HDAC9: variants seen among roughly 807,000 people sequenced by gnomAD.
The protein encoded by HDAC9 is MEF-2 interacting transcription repressor (MITR) protein.
Under a neutral mutation model 139.4 loss-of-function variants are expected in HDAC9, and 41 were observed. That is an observed-to-expected ratio of 0.29 (90% CI 0.23 to 0.38). The LOEUF (loss-of-function observed/expected upper bound fraction) is 0.38. Among genes scored for constraint, HDAC9 ranks in the 10% least tolerant of loss-of-function variants. The probability of loss-of-function intolerance (pLI) is 1.00; values close to 1 mark genes in which losing one functional copy is unlikely to be tolerated. For synonymous variants in HDAC9, 517 were observed against 476.2 expected (o/e 1.09, Z -1.12); for missense variants, 1,147 against 1,297.0 (o/e 0.88, Z 1.78).
intron 22 of HDAC9, among the ~76,000 whole-genome samples, chr7:18,877,509 A>T (rs1196512458): frequency 6.6e-6 from 1 of 152,214 alleles, no homozygotes; most frequent in African/African-American, 2.4e-5. Context: ...AGCAAAACTC[A>T]TTCCTGCTCC....
At chr7:18,928,089 G>T (rs1367591342) in intron 22 of HDAC9, among the ~76,000 whole-genome samples, 1 of 152,180 alleles carries the variant, frequency 6.6e-6, no homozygotes, top group Non-Finnish European at 1.5e-5. Context: ...ATTGGCTGCT[G>T]ATTCTAGAGT....
At chr7:18,764,935 T>A (rs1036653834) in intron 15 of HDAC9, among the ~76,000 whole-genome samples, 1 of 152,174 alleles carries the variant, frequency 6.6e-6, no homozygotes, top group African/African-American at 2.4e-5. Flanking sequence ...AATAATTGGA[T>A]TTGAAAATGA....
At chr7:18,198,850 T>G (rs149468481) in intron 2 of HDAC9, among the ~76,000 whole-genome samples, 1 of 152,324 alleles carries the variant, frequency 6.6e-6, no homozygotes, top group South Asian at 2.1e-4. Flanking sequence ...ATTAGACTAC[T>G]AGCACTAACA....
chr7:18,944,223 G>A (rs778089459), intron 23 of HDAC9, among the ~76,000 whole-genome samples: 1 of 152,058 alleles, frequency 6.6e-6, no homozygotes, highest in Non-Finnish European at 1.5e-5. Flanking sequence ...ATTACAATCT[G>A]CTTCCCTTGT....
intron 2 of HDAC9, among the ~76,000 whole-genome samples, chr7:18,253,514 C>CT (rs956250681): frequency 2.0e-4 from 31 of 152,214 alleles, no homozygotes; most frequent in African/African-American, 7.5e-4. Context: ...TGATACTGAG[C>CT]TTTTTTTCAT....
intron 22 of HDAC9, among the ~76,000 whole-genome samples, chr7:18,903,046 A>G (rs77696349): frequency 0.13 from 19,538 of 152,264 alleles, 1,553 homozygotes; most frequent in South Asian, 0.29. Flanking sequence ...GAACAAATAT[A>G]TTCAGCAATT....
intron 2 of HDAC9, among the ~76,000 whole-genome samples, chr7:18,520,700 C>T (rs894010195): frequency 4.6e-5 from 7 of 152,090 alleles, no homozygotes; most frequent in East Asian, 1.9e-4. Flanking sequence ...GTCCTACTAC[C>T]GTAAATGTCT....
chr7:18,150,077 GTT>G (rs11422484), intron 1 of HDAC9, among the ~76,000 whole-genome samples: 5 of 142,834 alleles, frequency 3.5e-5, no homozygotes, highest in Non-Finnish European at 4.6e-5. Flanking sequence ...CTTTATTAGG[GTT>G]TTTTTTTTTT....
chr7:18,852,857 T>C (rs1005284792), intron 21 of HDAC9, among the ~76,000 whole-genome samples: 73 of 151,934 alleles, frequency 4.8e-4, no homozygotes, highest in South Asian at 3.1e-3. Flanking sequence ...TTTTTTTTTT[T>C]CCCTCTCTTT....
At chr7:18,091,837 G>A (rs893905907) in intron 1 of HDAC9, among the ~76,000 whole-genome samples, 1 of 152,180 alleles carries the variant, frequency 6.6e-6, no homozygotes, top group African/African-American at 2.4e-5. Context: ...TTTCTTGCTG[G>A]CTGTCATTCA....
chr7:18,851,250 G>A (rs1797265990), intron 21 of HDAC9: 2 of 152,190 alleles, frequency 1.3e-5, no homozygotes, highest in Admixed American at 1.3e-4. Flanking sequence ...ATCTCGAATT[G>A]TAATCCCCAT....
chr7:18,799,666 T>G (rs1402543922), intron 17 of HDAC9, among the ~76,000 whole-genome samples: 6 of 152,028 alleles, frequency 3.9e-5, no homozygotes, highest in African/African-American at 1.4e-4. Flanking sequence ...AAGGGCTTAG[T>G]AGAAATGTGA....
At chr7:18,845,136 T>C (rs529319624) in intron 21 of HDAC9, among the ~76,000 whole-genome samples, 5 of 152,314 alleles carry the variant, frequency 3.3e-5, no homozygotes, top group East Asian at 3.9e-4. Flanking sequence ...GTTTGGTTTT[T>C]TGAGGGTGTG....
At chr7:18,927,928 T>C (rs1410920586) in intron 22 of HDAC9, among the ~76,000 whole-genome samples, 1 of 152,104 alleles carries the variant, frequency 6.6e-6, no homozygotes, top group Non-Finnish European at 1.5e-5. Context: ...AAAATAATAG[T>C]TGGGGGGAGA....
At position 18,876,456 on chromosome 7, in the gene HDAC9, C is replaced by T. The variant is rs1014009385; in HGVS notation, c.2803+1860C>T. Among the ~76,000 whole-genome samples the T allele has an allele frequency of 5.3e-5, 8 of 151,946 alleles. No homozygotes were observed. In the East Asian group the frequency reaches 1.2e-3, roughly 22 times the overall value. On this transcript the variant is annotated intron_variant, in intron 22 of 25. Transcript: ENST00000686413. ...AAGTGATATCATACTTTACCTTTTGCGTATTTGCAGTTTAATAAGGAAAAA... is the reference window on the plus strand; with the variant it reads ...AAGTGATATCATACTTTACCTTTTGTGTATTTGCAGTTTAATAAGGAAAAA...
At chr7:18,432,354 A>G (rs1790755116) in intron 1 of HDAC9, among the ~76,000 whole-genome samples, 1 of 152,244 alleles carries the variant, frequency 6.6e-6, no homozygotes, top group Admixed American at 6.5e-5. Context: ...AACTCTTATG[A>G]GGACATGTAT....
At chr7:18,470,226 T>G (rs1563020051) in intron 1 of HDAC9, among the ~76,000 whole-genome samples, 1 of 151,630 alleles carries the variant, frequency 6.6e-6, no homozygotes, top group Non-Finnish European at 1.5e-5. Flanking sequence ...GGCAGGAGGA[T>G]CAGTTGAGCC....
chr7:18,864,804 T>G (rs528743318), intron 21 of HDAC9, among the ~76,000 whole-genome samples: 1 of 152,120 alleles, frequency 6.6e-6, no homozygotes, highest in African/African-American at 2.4e-5. Flanking sequence ...CCTGGAAAGA[T>G]GAAAAAGTTC....
intron 1 of HDAC9, chr7:18,430,566 G>A (rs1367672060): frequency 6.6e-6 from 1 of 151,994 alleles, no homozygotes; most frequent in East Asian, 1.9e-4. Flanking sequence ...ACAAATAATT[G>A]AAGCGAAAGT....
Sources: allele counts gnomAD v4.1 joint callset (sites outside exome capture counted in the v4.1 genomes callset), GRCh38; gene constraint gnomAD v4.1.1; transcripts MANE v1.5; gene names NCBI Gene and HGNC (gene_info 2026-07-23, HGNC 2026-07-21).